CHN1: variants seen among roughly 807,000 people sequenced by gnomAD.
CHN1 encodes chimerin 1, also known as N-chimaerin.
Under a neutral mutation model 59.5 loss-of-function variants are expected in CHN1, and 37 were observed. That is an observed-to-expected ratio of 0.62 (90% CI 0.48 to 0.82). The LOEUF is 0.82. Ranked by LOEUF, CHN1 falls within the 40% of genes least tolerant of loss-of-function variation. The pLI, the probability that CHN1 is intolerant of heterozygous loss-of-function variation, is 0.00. For missense variants in CHN1, 469 were observed against 571.0 expected, an observed-to-expected ratio of 0.82 and a Z score of 1.82; for synonymous variants, 206 against 200.4, an observed-to-expected ratio of 1.03 and a Z score of -0.24.
chr2:174,946,875 A>G (rs1401934863), intron 2 of CHN1, among the ~76,000 whole-genome samples: 1 of 146,544 alleles, frequency 6.8e-6, no homozygotes, highest in Non-Finnish European at 1.5e-5. Flanking sequence ...CTGGCAACAT[A>G]GCGAGACCCT....
At chr2:174,898,611 CAAAG>C (rs1688290444) in intron 5 of CHN1, among the ~76,000 whole-genome samples, 1 of 152,066 alleles carries the variant, frequency 6.6e-6, no homozygotes. Flanking sequence ...CTCAAAAAAA[CAAAG>C]AAATTGTCGC....
Position 174,812,383 on chromosome 2 carries a change from G to C in CHN1, c.812C>G (p.Thr271Arg), listed in dbSNP as rs564758271. 6.2e-7 allele frequency: 1 copy of C among 1,613,932 alleles called. No homozygotes were observed. Among genetic ancestry groups the C allele is most frequent in the Admixed American group, 1.7e-5 (1 of 60,018 alleles). Reference protein sequence around the residue: ...HVKKVYSCDLTTLVKAHTTKR... With the variant: ...HVKKVYSCDLRTLVKAHTTKR... Reference sequence around the variant, plus strand: ...AGTGGTATGTGCTTTCACGAGCGTCGTAAGGTCACAGCTGTACACCTTTTT... The same window carrying C: ...AGTGGTATGTGCTTTCACGAGCGTCCTAAGGTCACAGCTGTACACCTTTTT... Residue 271 changes from threonine (T) to arginine (R), a missense_variant, in exon 9 of 13, where the codon ACG (threonine) becomes AGG (arginine). By Grantham distance (71) the Thr-to-Arg change is moderately conservative. Around this residue, in one of 5 missense-constraint regions of CHN1, gnomAD observed 225 missense variants for 289.9 expected, o/e 0.78. Coordinates refer to ENST00000409900, the MANE Select transcript of CHN1 (RefSeq NM_001822.7).
chr2:174,917,259 C>T (rs1431444649), intron 4 of CHN1, among the ~76,000 whole-genome samples: 1 of 151,884 alleles, frequency 6.6e-6, no homozygotes, highest in Non-Finnish European at 1.5e-5. Context: ...ATGGTGAAAC[C>T]CCGTCTGTCC....
At chr2:174,826,383 G>A (rs920848124) in intron 7 of CHN1, among the ~76,000 whole-genome samples, 2 of 152,224 alleles carry the variant, frequency 1.3e-5, no homozygotes, top group Non-Finnish European at 2.9e-5. Context: ...GATTCAGAAA[G>A]AGAGTTATAT....
chr2:174,870,013 G>C (rs1339707623), intron 6 of CHN1, among the ~76,000 whole-genome samples: 2 of 152,120 alleles, frequency 1.3e-5, no homozygotes. Context: ...ATAAGATGAA[G>C]TAATGTAGAT....
chr2:174,925,278 T>C (rs970901953), intron 3 of CHN1, among the ~76,000 whole-genome samples: 3 of 152,154 alleles, frequency 2.0e-5, no homozygotes, highest in Non-Finnish European at 4.4e-5. Context: ...ATAGAGATTA[T>C]AAGGCTGACA....
intron 6 of CHN1, among the ~76,000 whole-genome samples, chr2:174,862,077 T>A (rs910212720): frequency 9.8e-5 from 15 of 152,288 alleles, no homozygotes; most frequent in African/African-American, 3.6e-4. Flanking sequence ...CAAAATTATT[T>A]TCATTATTTT....
chr2:175,002,730 T>C (rs535642312), intron 1 of CHN1, among the ~76,000 whole-genome samples: 73 of 152,192 alleles, frequency 4.8e-4, no homozygotes, highest in Non-Finnish European at 9.4e-4. Context: ...TGCTGAGCTC[T>C]GACAAATCCT....
intron 10 of CHN1, chr2:174,811,028 C>A (rs1685055135): frequency 6.6e-6 from 1 of 152,402 alleles, no homozygotes; most frequent in African/African-American, 2.4e-5. Flanking sequence ...GGGTCCCCCA[C>A]AGAAGGCCCC....
intron 1 of CHN1, among the ~76,000 whole-genome samples, chr2:175,003,831 G>A (rs900655074): frequency 6.6e-6 from 1 of 152,078 alleles, no homozygotes; most frequent in African/African-American, 2.4e-5. Flanking sequence ...CAACCTCTCT[G>A]GGTCTAAGTT....
intron 1 of CHN1, among the ~76,000 whole-genome samples, chr2:174,995,575 A>G (rs1691681434): frequency 6.6e-6 from 1 of 152,222 alleles, no homozygotes; most frequent in South Asian, 2.1e-4. Flanking sequence ...TCACATGAGC[A>G]GTTCACAATA....
chr2:174,960,937 G>A (rs1474538998), intron 1 of CHN1, among the ~76,000 whole-genome samples: 1 of 151,732 alleles, frequency 6.6e-6, no homozygotes, highest in Non-Finnish European at 1.5e-5. Context: ...GACCAGCCTG[G>A]GCAACAAGTG....
At chr2:174,935,519 C>T (rs963869528) in intron 3 of CHN1, among the ~76,000 whole-genome samples, 1 of 152,234 alleles carries the variant, frequency 6.6e-6, no homozygotes, top group Non-Finnish European at 1.5e-5. Context: ...CTATACTACA[C>T]ACCAGTCAGC....
intron 1 of CHN1, among the ~76,000 whole-genome samples, chr2:174,985,760 T>G (rs1270741497): frequency 4.6e-5 from 7 of 152,312 alleles, no homozygotes; most frequent in African/African-American, 1.7e-4. Flanking sequence ...CAAGGAGTCT[T>G]GACTAAAGCT....
intron 3 of CHN1, among the ~76,000 whole-genome samples, chr2:174,940,787 C>A (rs1413071233): frequency 6.6e-6 from 1 of 152,142 alleles, no homozygotes; most frequent in African/African-American, 2.4e-5. Context: ...TTTCTCTATG[C>A]AATTAACAAA....
At chr2:174,923,138 A>G (rs1453529133) in intron 3 of CHN1, among the ~76,000 whole-genome samples, 3 of 146,120 alleles carry the variant, frequency 2.1e-5, no homozygotes, top group Non-Finnish European at 4.5e-5. Context: ...TAACAATATA[A>G]TTTTTTTTTT....
chr2:174,826,229 G>C lies in CHN1; in HGVS notation c.628-1711C>G, dbSNP rs1021584941. 1.4e-4 allele frequency among the ~76,000 whole-genome samples: 21 copies of C among 152,186 alleles called. 1 individual carries two copies. Among genetic ancestry groups the C allele is most frequent in the Admixed American group, 2.6e-4 (4 of 15,274 alleles). ...GATGTTCAGAGCCTGTAAACTCAAA[G>C]TATTTCCTGGAGTTGCTGAAGTAGA... On this transcript the variant is annotated intron_variant, in intron 7 of 12. Transcript: ENST00000409900.
At chr2:174,919,486 T>C (rs1054459410) in intron 3 of CHN1, among the ~76,000 whole-genome samples, 3 of 152,220 alleles carry the variant, frequency 2.0e-5, no homozygotes, top group African/African-American at 7.2e-5. Context: ...TACTATGTTA[T>C]TGAGCTCTTG....
At position 174,890,288 on chromosome 2, in the gene CHN1, A is replaced by C. The variant is rs144004838; in HGVS notation, c.261-12160T>G. The stretch of plus-strand genomic sequence containing the variant: ...CAGGTGACCATACTTGTATCATGGA[A>C]AATAGACTTTTACTAAGTAAAAAGC... On this transcript the variant is annotated intron_variant, in intron 5 of 12. Transcript: ENST00000409900. Among the ~76,000 whole-genome samples, 396 of 152,350 alleles carry C rather than the reference A, an allele frequency of 2.6e-3. 1 individual carries two copies. Among genetic ancestry groups the C allele is most frequent in the African/African-American group, 9.1e-3 (377 of 41,582 alleles).
Sources: gnomAD v4.1 joint callset for allele counts (sites outside exome capture counted in the v4.1 genomes callset) on GRCh38, gnomAD v4.1.1 for gene constraint, gnomAD v4.1.1 regional missense constraint, MANE v1.5 for transcripts, NCBI Gene and HGNC (gene_info 2026-07-23, HGNC 2026-07-21) for gene names.